Variants in SAMD12 observed in about 807,000 individuals in gnomAD.
SAMD12 encodes the protein sterile alpha motif domain-containing protein 12.
In SAMD12, 9 loss-of-function variants were observed where a neutral mutation model predicts 15.0. That is an observed-to-expected ratio of 0.60 (90% CI 0.36 to 1.05). The LOEUF (loss-of-function observed/expected upper bound fraction) is 1.05, where lower values mean the gene tolerates loss of function less well. Among genes scored for constraint, SAMD12 ranks in the 50% least tolerant of loss-of-function variants. The probability of loss-of-function intolerance (pLI) is 0.01; values close to 1 mark genes in which losing one functional copy is unlikely to be tolerated. For missense variants in SAMD12, 230 were observed against 234.2 expected, an observed-to-expected ratio of 0.98 and a Z score of 0.12; for synonymous variants, 86 against 90.1, an observed-to-expected ratio of 0.96 and a Z score of 0.25.
In SAMD12 at chr8:118,321,139, T is replaced by TAATAAATAAATA. The variant is rs1360713469; in HGVS notation, c.433+58420_433+58421insTATTTATTTATT. The stretch of plus-strand genomic sequence containing the variant: ...ATATATATAACATATATATCATAGA[T>TAATAAATAAATA]AATAAATATATATATATATATATAT... On this transcript the variant is annotated intron_variant, in intron 4 of 4. Coordinates refer to the SAMD12 transcript ENST00000409003. Among the ~76,000 whole-genome samples, 22 of 90,236 alleles carry TAATAAATAAATA rather than the reference T, an allele frequency of 2.4e-4. No homozygotes were observed. The East Asian group carries it at 2.9e-3, about 12-fold the overall frequency. The allele number at this position is 90,236 out of a possible 152,430, so 59.2% of individuals were successfully genotyped here.
chr8:118,441,899 G>GGA (rs1389795499), intron 2 of SAMD12, among the ~76,000 whole-genome samples: 1 of 152,144 alleles, frequency 6.6e-6, no homozygotes, highest in African/African-American at 2.4e-5. Flanking sequence ...CAGGTCACAT[G>GGA]GAGAGACCAT....
chr8:118,557,402 T>A (rs1004164376), intron 2 of SAMD12, among the ~76,000 whole-genome samples: 1 of 152,214 alleles, frequency 6.6e-6, no homozygotes, highest in Admixed American at 6.5e-5. Flanking sequence ...GGTAGTATCT[T>A]TATAGCTGTG....
chr8:118,429,629 C>T (rs184753326), intron 3 of SAMD12, among the ~76,000 whole-genome samples: 22 of 152,280 alleles, frequency 1.4e-4, no homozygotes, highest in Admixed American at 1.1e-3. Context: ...TGTGGTGGCT[C>T]ATGCCTGTAA....
At chr8:118,484,007 G>A (rs1824206038) in intron 2 of SAMD12, among the ~76,000 whole-genome samples, 1 of 152,202 alleles carries the variant, frequency 6.6e-6, no homozygotes, top group Admixed American at 6.5e-5. Context: ...GCTATATGAA[G>A]TTCATTCTAG....
chr8:118,241,917 A>T (rs1812576948), intron 4 of SAMD12, among the ~76,000 whole-genome samples: 1 of 152,120 alleles, frequency 6.6e-6, no homozygotes, highest in African/African-American at 2.4e-5. Context: ...CAATATGTGT[A>T]TTTATTTATT....
chr8:118,334,607 T>G (rs768353287), intron 4 of SAMD12, among the ~76,000 whole-genome samples: 4 of 152,196 alleles, frequency 2.6e-5, no homozygotes, highest in Non-Finnish European at 5.9e-5. Flanking sequence ...CTTTCTCTTT[T>G]GTTTTTGAGA....
chr8:118,345,184 C>T (rs1452899183), intron 4 of SAMD12, among the ~76,000 whole-genome samples: 1 of 152,178 alleles, frequency 6.6e-6, no homozygotes, highest in African/African-American at 2.4e-5. Context: ...CAAATACTAA[C>T]TATTGTGTTA....
chr8:118,167,890 G>T, the SAMD12 span, among the ~76,000 whole-genome samples: 1 of 152,070 alleles, frequency 6.6e-6, no homozygotes, highest in Non-Finnish European at 1.5e-5. Context: ...TGGCTGGGGA[G>T]CATTGACATC....
the SAMD12 span, among the ~76,000 whole-genome samples, chr8:118,141,381 T>C: frequency 6.6e-6 from 1 of 152,224 alleles, no homozygotes; most frequent in Non-Finnish European, 1.5e-5. Flanking sequence ...TAGAAGTTTA[T>C]CAATAAGTTT....
chr8:118,239,987 G>A (rs949332462), intron 4 of SAMD12: 1 of 152,106 alleles, frequency 6.6e-6, no homozygotes, highest in African/African-American at 2.4e-5. Flanking sequence ...TAGGCAAGAT[G>A]GCAATAAATT....
At chr8:118,293,666 C>T (rs190212067) in intron 4 of SAMD12, among the ~76,000 whole-genome samples, 34 of 152,236 alleles carry the variant, frequency 2.2e-4, no homozygotes, top group African/African-American at 7.5e-4. Context: ...ATGTATGTTG[C>T]TAGAAGCCAG....
the SAMD12 span, among the ~76,000 whole-genome samples, chr8:118,137,136 A>G: frequency 6.6e-6 from 1 of 152,176 alleles, no homozygotes; most frequent in Non-Finnish European, 1.5e-5. Flanking sequence ...CTGGGGTCCA[A>G]ACACCCCCTA....
At chr8:118,553,268 C>T (rs2131188362) in intron 2 of SAMD12, among the ~76,000 whole-genome samples, 1 of 152,308 alleles carries the variant, frequency 6.6e-6, no homozygotes, top group East Asian at 1.9e-4. Flanking sequence ...ATCACGCTAC[C>T]TGACTTCAAA....
At chr8:118,596,714 ATC>A (rs1342491123) in intron 1 of SAMD12, among the ~76,000 whole-genome samples, 2 of 152,146 alleles carry the variant, frequency 1.3e-5, no homozygotes, top group Non-Finnish European at 2.9e-5. Flanking sequence ...TACCTTCCAG[ATC>A]TCTTTTTCCC....
intron 2 of SAMD12, among the ~76,000 whole-genome samples, chr8:118,480,792 A>G (rs1445176673): frequency 1.3e-5 from 2 of 152,184 alleles, no homozygotes; most frequent in African/African-American, 2.4e-5. Context: ...TCACCTCTGG[A>G]CTTGGCTCCA....
At chr8:118,359,300 C>G (rs1057324891) in intron 4 of SAMD12, among the ~76,000 whole-genome samples, 18 of 152,168 alleles carry the variant, frequency 1.2e-4, no homozygotes, top group Admixed American at 1.0e-3. Flanking sequence ...GGAGTGAGGT[C>G]TCAGAAGAAA....
At chr8:118,379,755 GAT>G in intron 3 of SAMD12, 55 bp from the exon 4 acceptor site, 1 of 1,581,140 alleles carries the variant, frequency 6.3e-7, no homozygotes, top group Non-Finnish European at 8.6e-7. Context: ...GCTGAAGAAA[GAT>G]GTCCATTTTG....
At chr8:118,614,513 A>G (rs1441013738) in intron 1 of SAMD12, among the ~76,000 whole-genome samples, 2 of 152,184 alleles carry the variant, frequency 1.3e-5, no homozygotes, top group Non-Finnish European at 2.9e-5. Flanking sequence ...AGCCATGAGC[A>G]GGCCTGAGCC....
In SAMD12 at chr8:118,562,667, A is replaced by G. The variant is rs1748298435; in HGVS notation, c.192+18048T>C. On this transcript the variant is annotated intron_variant, in intron 2 of 3. Transcript: ENST00000314727. ...ACTACAGTTCCAGCAGTGTAGCCAC[A>G]GATCAAATCACAGCATGCACGATGC... 2.0e-5 allele frequency among the ~76,000 whole-genome samples: 3 copies of G among 152,372 alleles called. No homozygotes were observed. The South Asian group carries it at 6.2e-4, about 32-fold the overall frequency.
Sources: allele counts gnomAD v4.1 joint callset (sites outside exome capture counted in the v4.1 genomes callset), GRCh38; gene constraint gnomAD v4.1.1; transcripts MANE v1.5; gene names NCBI Gene and HGNC (gene_info 2026-07-23, HGNC 2026-07-21).